Variants in RRM2 observed in about 807,000 individuals in gnomAD.
RRM2 encodes the protein ribonucleoside-diphosphate reductase subunit M2.
RRM2 carries 6 observed loss-of-function variants against 45.9 expected under a neutral mutation model. The ratio of observed to expected loss-of-function variants is 0.13; its 90% confidence interval spans 0.07 to 0.26. The LOEUF (loss-of-function observed/expected upper bound fraction) is 0.26, where lower values mean the gene tolerates loss of function less well. Among genes scored for constraint, RRM2 ranks in the 10% least tolerant of loss-of-function variants. The pLI is 1.00. For missense variants in RRM2, 343 were observed against 489.5 expected (o/e 0.70, Z 2.82); for synonymous variants, 177 against 173.0 (o/e 1.02, Z -0.18).
chr2:10,131,933 G>C (rs556706912), downstream of RRM2, among the ~76,000 whole-genome samples: 20 of 152,114 alleles, frequency 1.3e-4, no homozygotes, highest in Non-Finnish European at 2.6e-4. Context: ...TCTCAACCGT[G>C]GGGGAGCCAC....
chr2:10,156,580 C>T (rs537005864), intron 3 of RRM2, among the ~76,000 whole-genome samples: 1 of 152,320 alleles, frequency 6.6e-6, no homozygotes, highest in East Asian at 1.9e-4. Context: ...AAAGCTAGGC[C>T]ATGTTCATTA....
intron 4 of RRM2, 167 bp downstream of exon 4, chr2:10,124,019 T>A (rs1662728370): frequency 4.7e-6 from 3 of 640,210 alleles, no homozygotes; most frequent in Middle Eastern, 2.5e-4. Flanking sequence ...CAGTTCTTTC[T>A]TATGGTATTT....
At chr2:10,187,441 C>T (rs893516927) in intron 3 of RRM2, among the ~76,000 whole-genome samples, 5 of 152,166 alleles carry the variant, frequency 3.3e-5, no homozygotes, top group African/African-American at 1.2e-4. Context: ...GAAGGTGGCC[C>T]GGGGCCAACT....
At chr2:10,158,761 G>C (rs375088721) in intron 3 of RRM2, among the ~76,000 whole-genome samples, 1 of 152,188 alleles carries the variant, frequency 6.6e-6, no homozygotes, top group South Asian at 2.1e-4. Flanking sequence ...CATGGGGGCC[G>C]GGGCCGTGCT....
chr2:10,197,627 C>G (rs1347415905), intron 3 of RRM2, among the ~76,000 whole-genome samples: 1 of 152,156 alleles, frequency 6.6e-6, no homozygotes, highest in Non-Finnish European at 1.5e-5. Flanking sequence ...GCGGTGGGCC[C>G]AGGGGAGGGT....
intron 2 of RRM2, 86 bp downstream of exon 2, chr2:10,123,143 A>G: frequency 7.1e-7 from 1 of 1,417,768 alleles, no homozygotes; most frequent in Non-Finnish European, 9.4e-7. Flanking sequence ...AGCTGTTCAC[A>G]CTCCCGCCCC....
intron 3 of RRM2, among the ~76,000 whole-genome samples, chr2:10,186,805 G>A (rs1664177437): frequency 6.6e-6 from 1 of 152,224 alleles, no homozygotes; most frequent in Non-Finnish European, 1.5e-5. Context: ...GGGATTGGCT[G>A]GACCTCAGCC....
chr2:10,174,399 C>T (rs1472214151), intron 3 of RRM2, among the ~76,000 whole-genome samples: 1 of 152,144 alleles, frequency 6.6e-6, no homozygotes, highest in Non-Finnish European at 1.5e-5. Flanking sequence ...CCTCACCAGC[C>T]GGGCCTTCAG....
chr2:10,163,546 G>T (rs918404875), intron 3 of RRM2, among the ~76,000 whole-genome samples: 1 of 152,122 alleles, frequency 6.6e-6, no homozygotes, highest in Non-Finnish European at 1.5e-5. Flanking sequence ...AGTTTCCCCG[G>T]GTCTGCAAAA....
At position 10,129,904 on chromosome 2, in the gene RRM2, TTG is replaced by T. The variant is rs1473468129; in HGVS notation, c.*522_*523del. The T allele has an allele frequency of 6.5e-6, 1 of 152,974 alleles. No homozygotes were observed. Among genetic ancestry groups the T allele is most frequent in the Non-Finnish European group, 1.5e-5 (1 of 68,340 alleles). 9.5% of individuals were successfully genotyped at this position (152,974 alleles called of 1,614,324 possible). On this transcript the variant is annotated 3_prime_UTR_variant, in exon 10 of 10. Coordinates refer to ENST00000304567, the MANE Select transcript of RRM2 (RefSeq NM_001034.4). The surrounding 1 kb of genome is among the most constrained non-coding windows in gnomAD (Gnocchi z 4.8). ...ACTAAGTGACTAAAGTAAGTTAAACTTGTGTAGACTAAGCATGTAATTTTTAA... is the reference window on the plus strand; with the variant it reads ...ACTAAGTGACTAAAGTAAGTTAAACTTGTAGACTAAGCATGTAATTTTTAA...
At position 10,129,855 on chromosome 2, in the gene RRM2, C is replaced by G. The variant is rs1274351714; in HGVS notation, c.*469C>G. ...TACACCAAATACATTCTCCTGACCA[C>G]TAATGGGAGCCAATTCACAATTCAC... is the stretch of plus-strand genomic sequence containing the variant. On this transcript the variant is annotated 3_prime_UTR_variant, in exon 10 of 10. Coordinates refer to ENST00000304567, the MANE Select transcript of RRM2 (RefSeq NM_001034.4). This position sits in a 1 kb window ranked among gnomAD's most constrained non-coding sequence, Gnocchi z 4.8. The G allele has an allele frequency of 6.5e-6, 1 of 154,236 alleles. No homozygotes were observed. Among genetic ancestry groups the G allele is most frequent in the African/African-American group, 2.4e-5 (1 of 41,502 alleles). The allele number at this position is 154,236 out of a possible 1,614,324, so 9.6% of individuals were successfully genotyped here.
chr2:10,169,463 A>T lies in RRM2; in HGVS notation n.482+27088A>T, dbSNP rs575454625. On this transcript the variant is annotated intron_variant and non_coding_transcript_variant, in intron 3 of 3. Coordinates refer to the RRM2 transcript ENST00000381786. The surrounding 1 kb of genome is among the most constrained non-coding windows in gnomAD (Gnocchi z 5.1). ...CTTGATGTCCTCTGGTGCCAACGCAACAGAGAAGCCAGCAAAATGCTCTGC... is the reference window on the plus strand; with the variant it reads ...CTTGATGTCCTCTGGTGCCAACGCATCAGAGAAGCCAGCAAAATGCTCTGC... Among the ~76,000 whole-genome samples, 35 of 152,316 alleles carry T rather than the reference A, an allele frequency of 2.3e-4. No homozygotes were observed. Among genetic ancestry groups the T allele is most frequent in the Middle Eastern group, 3.4e-3 (1 of 294 alleles).
intron 3 of RRM2, among the ~76,000 whole-genome samples, chr2:10,178,398 T>C (rs1663976264): frequency 6.6e-6 from 1 of 152,012 alleles, no homozygotes; most frequent in Non-Finnish European, 1.5e-5. Context: ...AATTTTTGTA[T>C]TTTTAGTAGA....
chr2:10,141,799 G>T (rs1663085167), intron 1 of RRM2: 1 of 1,548,194 alleles, frequency 6.5e-7, no homozygotes, highest in Non-Finnish European at 8.7e-7. Context: ...GCTGGGGCTG[G>T]GAGGCGGTTG....
intron 3 of RRM2, among the ~76,000 whole-genome samples, chr2:10,164,463 G>A (rs555530578): frequency 6.6e-6 from 1 of 152,198 alleles, no homozygotes; most frequent in Non-Finnish European, 1.5e-5. Flanking sequence ...GAGGGTCACT[G>A]TAACGACCAA....
In RRM2 at chr2:10,130,614, T is replaced by A. The variant is rs188323526; in HGVS notation, c.*1228T>A. Reference sequence around the variant, plus strand: ...ATACAGTTTCCATTCAAATATTAATTTCAGAATGAAACATAATTTTTTTTT... The same window carrying A: ...ATACAGTTTCCATTCAAATATTAATATCAGAATGAAACATAATTTTTTTTT... On this transcript the variant is annotated 3_prime_UTR_variant, in exon 10 of 10. Coordinates refer to ENST00000304567, the MANE Select transcript of RRM2 (RefSeq NM_001034.4). 1 of 151,536 alleles carries A rather than the reference T, an allele frequency of 6.6e-6. No individual in the cohort carries two copies. Among genetic ancestry groups the A allele is most frequent in the African/African-American group, 2.4e-5 (1 of 41,400 alleles). The allele number at this position is 151,536 out of a possible 1,614,324, so 9.4% of individuals were successfully genotyped here.
chr2:10,128,978 C>T lies in RRM2; in HGVS notation c.903+26C>T, dbSNP rs369537395. 4.3e-6 allele frequency: 7 copies of T among 1,609,600 alleles called. No individual in the cohort carries two copies. The African/African-American group carries it at 9.4e-5, about 22-fold the overall frequency. On this transcript the variant is annotated intron_variant, in intron 8 of 9. Coordinates refer to ENST00000304567, the MANE Select transcript of RRM2 (RefSeq NM_001034.4). ...GTAAAGTGGGTGATGAAATGGGTCA[C>T]TCAAGCTTGCTAGAAAATGCCTGTG...
chr2:10,170,920 T>A (rs970702679), intron 3 of RRM2, among the ~76,000 whole-genome samples: 3 of 152,150 alleles, frequency 2.0e-5, no homozygotes, highest in African/African-American at 7.2e-5. Context: ...AGAAGTGACG[T>A]CCTTTAAAAG....
intron 3 of RRM2, among the ~76,000 whole-genome samples, chr2:10,187,850 C>T (rs556562781): frequency 1.2e-4 from 19 of 152,292 alleles, no homozygotes; most frequent in African/African-American, 3.6e-4. Context: ...CTGCAGCATT[C>T]GGCCATTTGC....
Sources: allele counts gnomAD v4.1 joint callset (sites outside exome capture counted in the v4.1 genomes callset), GRCh38; gene constraint gnomAD v4.1.1; non-coding constraint Gnocchi (gnomAD v3.1); transcripts MANE v1.5; gene names NCBI Gene and HGNC (gene_info 2026-07-23, HGNC 2026-07-21).